The following MSI2 variants were observed in gnomAD, a reference collection of about 807,000 sequenced individuals.
MSI2 encodes RNA-binding protein Musashi homolog 2.
A neutral mutation model predicts 45.6 loss-of-function variants in MSI2; 17 were observed. That is an observed-to-expected ratio of 0.37 (90% CI 0.26 to 0.56). The LOEUF (loss-of-function observed/expected upper bound fraction) is 0.56. MSI2 is among the 20% of genes least tolerant of loss of function. The pLI is 0.77. For missense variants in MSI2, 293 were observed against 444.2 expected, an observed-to-expected ratio of 0.66 and a Z score of 3.06; for synonymous variants, 156 against 158.2, an observed-to-expected ratio of 0.99 and a Z score of 0.11.
At chr17:57,377,913 A>C (rs532181555) in intron 5 of MSI2, among the ~76,000 whole-genome samples, 13 of 152,148 alleles carry the variant, frequency 8.5e-5, no homozygotes, top group Admixed American at 7.8e-4. Flanking sequence ...GTCTCTACTA[A>C]AAATACAAAA....
At chr17:57,470,571 C>G (rs752115493) in intron 6 of MSI2, among the ~76,000 whole-genome samples, 2 of 152,238 alleles carry the variant, frequency 1.3e-5, no homozygotes, top group South Asian at 4.1e-4. Flanking sequence ...AGCCACCTTG[C>G]CTGGCCCACA....
At chr17:57,537,836 AG>A (rs1394930108) in intron 7 of MSI2, among the ~76,000 whole-genome samples, 2 of 152,192 alleles carry the variant, frequency 1.3e-5, no homozygotes, top group African/African-American at 4.8e-5. Context: ...GAGCTTGCAA[AG>A]CCAGGGGGAG....
At chr17:57,629,643 C>T (rs1313005720) in intron 10 of MSI2, 1 of 152,332 alleles carries the variant, frequency 6.6e-6, no homozygotes, top group African/African-American at 2.4e-5. Context: ...TCCACACACT[C>T]ACACATGCGC....
rs1341245295 is a variant in MSI2, at chr17:57,472,863, T to C, written c.406-56813T>C. On this transcript the variant is annotated intron_variant, in intron 6 of 13. Transcript: ENST00000284073. ...ACTCACAGGGCACACTATCCATCAT[T>C]GAGTTTTCCCAACAAGCCACTTTTC... Among the ~76,000 whole-genome samples, 147 of 152,096 alleles carry C rather than the reference T, an allele frequency of 9.7e-4. 1 individual carries two copies. The highest frequency in any genetic ancestry group is 2.9e-4 in the Non-Finnish European group (20 of 67,984).
At chr17:57,555,195 A>G (rs1004996119) in intron 7 of MSI2, among the ~76,000 whole-genome samples, 9 of 152,164 alleles carry the variant, frequency 5.9e-5, no homozygotes, top group Non-Finnish European at 8.8e-5. Context: ...CCACACATCT[A>G]GCCAGCGTCC....
chr17:57,395,344 T>C (rs955641047), intron 5 of MSI2, among the ~76,000 whole-genome samples: 1 of 152,218 alleles, frequency 6.6e-6, no homozygotes, highest in African/African-American at 2.4e-5. Context: ...CCCAGTCTCT[T>C]TTCCACATGT....
chr17:57,439,051 G>GT (rs2143447895), intron 6 of MSI2, among the ~76,000 whole-genome samples: 1 of 152,250 alleles, frequency 6.6e-6, no homozygotes, highest in East Asian at 1.9e-4. Flanking sequence ...ATCCGCAGAG[G>GT]CATAAGCCAC....
At chr17:57,446,088 T>G (rs1206763599) in intron 6 of MSI2, among the ~76,000 whole-genome samples, 1 of 152,062 alleles carries the variant, frequency 6.6e-6, no homozygotes, top group Non-Finnish European at 1.5e-5. Context: ...CACTCCTTAC[T>G]GATACCGATC....
intron 6 of MSI2, among the ~76,000 whole-genome samples, chr17:57,472,756 G>A (rs1032215871): frequency 1.3e-5 from 2 of 152,166 alleles, no homozygotes; most frequent in African/African-American, 4.8e-5. Flanking sequence ...ACACTATGTG[G>A]TGGTGGCTGT....
At chr17:57,431,455 G>C (rs1175867669) in intron 6 of MSI2, among the ~76,000 whole-genome samples, 1 of 152,148 alleles carries the variant, frequency 6.6e-6, no homozygotes, top group African/African-American at 2.4e-5. Context: ...GAATTTACAG[G>C]GAGAGGCAGG....
intron 6 of MSI2, among the ~76,000 whole-genome samples, chr17:57,442,542 T>C (rs2084819491): frequency 6.6e-6 from 1 of 151,486 alleles, no homozygotes; most frequent in Non-Finnish European, 1.5e-5. Context: ...CCATCTCCCC[T>C]CCCCTTCTCC....
intron 6 of MSI2, among the ~76,000 whole-genome samples, chr17:57,431,433 A>T (rs1383027756): frequency 6.6e-6 from 1 of 152,206 alleles, no homozygotes; most frequent in Non-Finnish European, 1.5e-5. Flanking sequence ...GTGAGTGTCC[A>T]TGCTTTCCTT....
rs1439885072 is a variant in MSI2, at chr17:57,487,212, G to A, written c.406-42464G>A. Among the ~76,000 whole-genome samples, 11 of 152,186 alleles carry A rather than the reference G, an allele frequency of 7.2e-5. No homozygotes were observed. In the East Asian group the frequency reaches 1.9e-3, roughly 27 times the overall value. ...CTCTGTGGGGCCAGCTCATGAGACC[G>A]CAAAGATAGTAGCAGCTTTGATGCC... is the stretch of plus-strand genomic sequence containing the variant. On this transcript the variant is annotated intron_variant, in intron 6 of 13. Coordinates refer to ENST00000284073, the MANE Select transcript of MSI2 (RefSeq NM_138962.4).
intron 5 of MSI2, among the ~76,000 whole-genome samples, chr17:57,286,385 A>G (rs1217079326): frequency 6.6e-6 from 1 of 152,150 alleles, no homozygotes; most frequent in Non-Finnish European, 1.5e-5. Context: ...GACGGTCGCT[A>G]ATAAGAACTG....
At chr17:57,512,551 G>A (rs142495627) in intron 6 of MSI2, among the ~76,000 whole-genome samples, 3 of 152,280 alleles carry the variant, frequency 2.0e-5, no homozygotes, top group Admixed American at 6.5e-5. Context: ...TAATTTCCTC[G>A]TTGAACAGAA....
chr17:57,651,109 G>C (rs574709379), intron 10 of MSI2, among the ~76,000 whole-genome samples: 45 of 152,258 alleles, frequency 3.0e-4, no homozygotes, highest in Non-Finnish European at 5.9e-4. Context: ...CCAGCACGAG[G>C]CTGTGCGTGC....
chr17:57,309,078 T>C (rs964965270), intron 5 of MSI2, among the ~76,000 whole-genome samples: 12 of 152,186 alleles, frequency 7.9e-5, no homozygotes, highest in Non-Finnish European at 1.6e-4. Context: ...TACAACTGAG[T>C]CTTCTTTGTA....
At chr17:57,445,635 G>A (rs962188437) in intron 6 of MSI2, among the ~76,000 whole-genome samples, 1 of 152,130 alleles carries the variant, frequency 6.6e-6, no homozygotes, top group Non-Finnish European at 1.5e-5. Flanking sequence ...TCTGTAATTA[G>A]GGGAGTTGGT....
At chr17:57,539,205 C>T (rs1369007716) in intron 7 of MSI2, among the ~76,000 whole-genome samples, 5 of 137,966 alleles carry the variant, frequency 3.6e-5, no homozygotes, top group South Asian at 2.3e-4. Flanking sequence ...TTTTTTGAGA[C>T]GGAGTCTGGC....
Sources: gnomAD v4.1 joint callset for allele counts (sites outside exome capture counted in the v4.1 genomes callset) on GRCh38, gnomAD v4.1.1 for gene constraint, MANE v1.5 for transcripts, NCBI Gene and HGNC (gene_info 2026-07-23, HGNC 2026-07-21) for gene names.